The following LRRC4C variants were observed in gnomAD, a reference collection of about 807,000 sequenced individuals.
The protein encoded by LRRC4C is leucine rich repeat containing 4C, also known as leucine-rich repeat-containing protein 4C.
A neutral mutation model predicts 33.6 loss-of-function variants in LRRC4C; 5 were observed. That is an observed-to-expected ratio of 0.15 (90% confidence interval 0.08 to 0.31). The LOEUF (loss-of-function observed/expected upper bound fraction) is 0.31, where lower values mean the gene tolerates loss of function less well. LRRC4C is among the 10% of genes least tolerant of loss of function. LRRC4C has a pLI of 1.00. For missense variants in LRRC4C, 560 were observed against 796.7 expected (o/e 0.70, Z 3.58); for synonymous variants, 329 against 302.0 (o/e 1.09, Z -0.93).
At chr11:40,497,505 AAAGGT>A (rs113093821) in intron 3 of LRRC4C, among the ~76,000 whole-genome samples, 1 of 152,220 alleles carries the variant, frequency 6.6e-6, no homozygotes, top group African/African-American at 2.4e-5. Context: ...TTTGCTTCTT[AAAGGT>A]AAGGGTGAAG....
chr11:40,122,579 A>C (rs766420176), intron 6 of LRRC4C, among the ~76,000 whole-genome samples: 2 of 152,018 alleles, frequency 1.3e-5, no homozygotes, highest in Non-Finnish European at 2.9e-5. Context: ...TCACAGCTCC[A>C]CTCACAGACA....
At chr11:40,694,012 G>A (rs1384496307) in intron 2 of LRRC4C, among the ~76,000 whole-genome samples, 10 of 152,078 alleles carry the variant, frequency 6.6e-5, no homozygotes, top group Admixed American at 4.6e-4. Context: ...TATTGAGACC[G>A]TGAAAAACAA....
rs1167879704 is a variant in LRRC4C, at chr11:40,115,470, C to T, written c.823G>A (p.Ala275Thr). Residue 275 changes from alanine (A) to threonine (T), a missense_variant, in exon 7 of 7, where the codon GCA becomes ACA. Physicochemically the swap from Ala to Thr is moderately conservative, Grantham distance 58. Transcript: ENST00000528697. The surrounding 1 kb of genome is among the most constrained non-coding windows in gnomAD (Gnocchi z 6.7). ...GGCAGTAATGTTAGATTATTGTGTG[C>T]CAGGTTGATCTCCACTAGTGACTGA... ...NLQSLVEINL[A>T]HNNLTLLPHD... The T allele has an allele frequency of 1.9e-6, 3 of 1,614,030 alleles. No individual in the cohort carries two copies. Among genetic ancestry groups the T allele is most frequent in the Admixed American group, 1.7e-5 (1 of 60,006 alleles).
At chr11:40,842,270 C>T (rs1205113740) in intron 2 of LRRC4C, among the ~76,000 whole-genome samples, 1 of 152,128 alleles carries the variant, frequency 6.6e-6, no homozygotes, top group African/African-American at 2.4e-5. Context: ...GCAGCTTCTG[C>T]CTCCTGCATC....
chr11:40,187,273 G>A (rs970057137), intron 5 of LRRC4C, among the ~76,000 whole-genome samples: 7 of 151,730 alleles, frequency 4.6e-5, no homozygotes. Context: ...GGCACACTCA[G>A]CTGAAGATGA....
At chr11:41,102,343 C>T (rs183261458) in intron 1 of LRRC4C, among the ~76,000 whole-genome samples, 1 of 151,962 alleles carries the variant, frequency 6.6e-6, no homozygotes, top group Admixed American at 6.6e-5. Flanking sequence ...CTCTCTAGTA[C>T]TCTTGTCTGG....
intron 2 of LRRC4C, among the ~76,000 whole-genome samples, chr11:40,684,763 A>G (rs940052909): frequency 6.6e-6 from 1 of 152,094 alleles, no homozygotes; most frequent in Non-Finnish European, 1.5e-5. Context: ...ATGAGGAACA[A>G]TTAGTTTGAC....
At chr11:40,540,765 G>A (rs1347645714) in intron 3 of LRRC4C, among the ~76,000 whole-genome samples, 1 of 152,050 alleles carries the variant, frequency 6.6e-6, no homozygotes, top group Non-Finnish European at 1.5e-5. Flanking sequence ...AATAGTTTTA[G>A]TTTTTTGTTT....
chr11:40,407,260 G>T (rs1316211056), intron 3 of LRRC4C, among the ~76,000 whole-genome samples: 1 of 152,082 alleles, frequency 6.6e-6, no homozygotes, highest in Non-Finnish European at 1.5e-5. Context: ...AAAGCAAAGA[G>T]TCTACTGGAA....
chr11:40,799,447 G>A (rs1185291628), intron 2 of LRRC4C, among the ~76,000 whole-genome samples: 1 of 152,136 alleles, frequency 6.6e-6, no homozygotes, highest in Non-Finnish European at 1.5e-5. Context: ...CATTGACCTT[G>A]CAGTCACATT....
intron 2 of LRRC4C, among the ~76,000 whole-genome samples, chr11:40,812,129 C>T (rs1217176089): frequency 1.3e-5 from 2 of 152,082 alleles, no homozygotes; most frequent in Non-Finnish European, 2.9e-5. Flanking sequence ...GTTACAACCT[C>T]CCAAAGATTA....
intron 3 of LRRC4C, among the ~76,000 whole-genome samples, chr11:40,496,967 G>A (rs1287782295): frequency 3.9e-5 from 6 of 152,274 alleles, no homozygotes; most frequent in East Asian, 1.9e-4. Context: ...TGTTCTTAGC[G>A]TCCTCTCATG....
chr11:41,201,060 T>C (rs894515689), intron 1 of LRRC4C, among the ~76,000 whole-genome samples: 6 of 152,174 alleles, frequency 3.9e-5, no homozygotes, highest in African/African-American at 1.2e-4. Flanking sequence ...GAAACTTAAA[T>C]AGATTTTAAG....
intron 3 of LRRC4C, among the ~76,000 whole-genome samples, chr11:40,469,382 C>A (rs539037491): frequency 6.6e-6 from 1 of 152,178 alleles, no homozygotes; most frequent in Non-Finnish European, 1.5e-5. Context: ...GTCTTCGCAA[C>A]CCACAGACCA....
intron 1 of LRRC4C, among the ~76,000 whole-genome samples, chr11:41,378,797 T>C (rs1018354209): frequency 1.2e-4 from 19 of 152,144 alleles, no homozygotes; most frequent in African/African-American, 4.6e-4. Flanking sequence ...CACTGATTTC[T>C]AGCTTAAAAA....
intron 2 of LRRC4C, among the ~76,000 whole-genome samples, chr11:40,769,143 CAAAATCAACATACAAAGTGAGT>C (rs1565037921): frequency 6.6e-6 from 1 of 151,192 alleles, no homozygotes; most frequent in African/African-American, 2.4e-5. Flanking sequence ...TTGCAGGATA[CAAAATCAACATACAAAGTGAGT>C]AAAACTTTAT....
At chr11:40,458,592 C>T (rs1168741883) in intron 3 of LRRC4C, among the ~76,000 whole-genome samples, 1 of 152,136 alleles carries the variant, frequency 6.6e-6, no homozygotes, top group African/African-American at 2.4e-5. Context: ...TCTCCTAAGT[C>T]TTTGGTTTTC....
At chr11:40,301,247 A>C (rs1944760102) in intron 4 of LRRC4C, among the ~76,000 whole-genome samples, 1 of 152,212 alleles carries the variant, frequency 6.6e-6, no homozygotes, top group African/African-American at 2.4e-5. Context: ...CCTTCAACTC[A>C]GTTATCTTTT....
chr11:40,976,866 G>A (rs1015140458), intron 1 of LRRC4C, among the ~76,000 whole-genome samples: 2 of 152,054 alleles, frequency 1.3e-5, no homozygotes, highest in Non-Finnish European at 2.9e-5. Flanking sequence ...ACTGGGGCAG[G>A]GGGATCGTTT....
Sources: allele counts gnomAD v4.1 joint callset (sites outside exome capture counted in the v4.1 genomes callset), GRCh38; gene constraint gnomAD v4.1.1; non-coding constraint Gnocchi (gnomAD v3.1); transcripts MANE v1.5; gene names NCBI Gene and HGNC (gene_info 2026-07-23, HGNC 2026-07-21).